MMP14: variants seen among roughly 807,000 people sequenced by gnomAD.
MMP14 encodes the protein matrix metalloproteinase-14.
In MMP14, 13 loss-of-function variants were observed where a neutral mutation model predicts 64.8. That is an observed-to-expected ratio of 0.20 (90% CI 0.13 to 0.32). MMP14 has a LOEUF of 0.32. Ranked by LOEUF, MMP14 falls within the 10% of genes least tolerant of loss-of-function variation. MMP14 has a pLI of 1.00. For synonymous variants in MMP14, 322 were observed against 315.9 expected, an observed-to-expected ratio of 1.02 and a Z score of -0.20; for missense variants, 594 against 783.8, an observed-to-expected ratio of 0.76 and a Z score of 2.89.
intron 1 of MMP14, among the ~76,000 whole-genome samples, chr14:22,841,204 C>A (rs1467593683): frequency 6.6e-6 from 1 of 152,256 alleles, no homozygotes; most frequent in Non-Finnish European, 1.5e-5. Context: ...GAGAAGACAT[C>A]TCAGAACCCC....
chr14:22,837,109 T>C lies in MMP14; in HGVS notation c.108+184T>C, dbSNP rs1595011923. On this transcript the variant is annotated intron_variant, in intron 1 of 9. Coordinates refer to ENST00000311852, the MANE Select transcript of MMP14 (RefSeq NM_004995.4). ...CAAACTTCCAGATCGATCCAACTTTTGCCCGCTTCCAACCAGCTGCCCCCA... is the reference window on the plus strand; with the variant it reads ...CAAACTTCCAGATCGATCCAACTTTCGCCCGCTTCCAACCAGCTGCCCCCA... The C allele has an allele frequency of 1.2e-5, 8 of 683,448 alleles. No individual in the cohort carries two copies. The East Asian group carries it at 2.2e-4, about 19-fold the overall frequency. 42.3% of individuals were successfully genotyped at this position (683,448 alleles called of 1,614,324 possible).
At position 22,844,490 on chromosome 14, in the gene MMP14, C is replaced by A. The variant is rs756102178; in HGVS notation, c.1131C>A (p.Gly377=). The stretch of plus-strand genomic sequence containing the variant: ...ACACTGCCTACGAGAGGAAGGATGG[C>A]AAATTCGTCTTCTTCAAAGGTAACC... ...SINTAYERKD[G]KFVFFKGDKH... Residue 377 remains glycine (G), a synonymous_variant, in exon 7 of 10, where the codon GGC becomes GGA. Transcript: ENST00000311852. 34 of 1,614,158 alleles carry A rather than the reference C, an allele frequency of 2.1e-5. No individual in the cohort carries two copies. The South Asian group carries it at 3.7e-4, about 18-fold the overall frequency.
rs1478920991 is a variant in MMP14 at position 22,842,494 on chromosome 14, A to G, written c.465A>G (p.Thr155=). ...CGTTCCGCGTGTGGGAGAGTGCCACACCACTGCGCTTCCGCGAGGTGCCCT... is the reference window on the plus strand; with the variant it reads ...CGTTCCGCGTGTGGGAGAGTGCCACGCCACTGCGCTTCCGCGAGGTGCCCT... ...RKAFRVWESA[T]PLRFREVPYA... The change falls in exon 4 of 10, where the codon ACA becomes ACG. Residue 155 remains threonine, a synonymous_variant. Coordinates refer to ENST00000311852, the MANE Select transcript of MMP14 (RefSeq NM_004995.4). The surrounding 1 kb of genome is among the most constrained non-coding windows in gnomAD (Gnocchi z 5.3). 3.1e-6 allele frequency: 5 copies of G among 1,613,890 alleles called. No individual in the cohort carries two copies. In the African/African-American group the frequency reaches 6.7e-5, roughly 22 times the overall value.
chr14:22,844,176 A>G (rs1196566154), intron 6 of MMP14, among the ~76,000 whole-genome samples, 195 bp from the exon 7 acceptor site: 4 of 149,832 alleles, frequency 2.7e-5, no homozygotes, highest in Non-Finnish European at 5.9e-5. Flanking sequence ...CAGCCTGGAC[A>G]ACAGTGTGAG....
intron 1 of MMP14, 111 bp downstream of exon 1, chr14:22,837,036 G>A: frequency 1.3e-6 from 1 of 790,196 alleles, no homozygotes; most frequent in Non-Finnish European, 2.1e-6. Flanking sequence ...GATCTCCGCT[G>A]CTCAGGCCTG....
intron 2 of MMP14, 121 bp downstream of exon 2, chr14:22,841,760 G>A: frequency 6.5e-7 from 1 of 1,547,222 alleles, no homozygotes. Flanking sequence ...ATCCCCACGT[G>A]CTGATCCTGA....
chr14:22,845,186 C>T (rs751325071), intron 8 of MMP14, 65 bp from the exon 9 acceptor site: 35 of 1,227,382 alleles, frequency 2.9e-5, no homozygotes, highest in South Asian at 7.5e-5. Context: ...GGATTCGGTC[C>T]GGGTCTTGCG....
chr14:22,836,845 T>C lies in MMP14; in HGVS notation c.28T>C (p.Cys10Arg). The change falls in exon 1 of 10, where the codon TGT becomes CGT. Residue 10 changes from cysteine (C) to arginine (R), a missense_variant. Around this residue, in one of 4 missense-constraint regions of MMP14, gnomAD observed 45 missense variants for 48.8 expected, o/e 0.92. Coordinates refer to ENST00000311852, the MANE Select transcript of MMP14 (RefSeq NM_004995.4). ...GTCTCCCGCCCCAAGACCCCCCCGT[T>C]GTCTCCTGCTCCCCCTGCTCACGCT... MSPAPRPPR[C>R]LLLPLLTLGT... The C allele has an allele frequency of 6.2e-7, 1 of 1,613,202 alleles. No homozygotes were observed. The highest frequency in any genetic ancestry group is 8.5e-7 in the Non-Finnish European group (1 of 1,179,506).
In MMP14 at chr14:22,836,794, C is replaced by T; in HGVS notation, c.-24C>T. On this transcript the variant is annotated 5_prime_UTR_variant, in exon 1 of 10. Transcript: ENST00000311852. ...GCCCGGCCGCGGAGCCCACACTGCC[C>T]GGCTGACCCGGTGGTCTCGGACCAT... The T allele has an allele frequency of 1.3e-6, 2 of 1,525,498 alleles. No individual in the cohort carries two copies. Among genetic ancestry groups the T allele is most frequent in the Admixed American group, 1.8e-5 (1 of 55,756 alleles). The allele number at this position is 1,525,498 out of a possible 1,614,324, so 94.5% of individuals were successfully genotyped here. A position where few individuals can be genotyped will look rare whatever the true frequency, so the allele number is the denominator to read the frequency against.
At position 22,841,888 on chromosome 14, in the gene MMP14, A is replaced by C. The variant is rs767391757; in HGVS notation, c.258-25A>C. On this transcript the variant is annotated intron_variant, in intron 2 of 9. Transcript: ENST00000311852. ...TCTTTCATACACTGCACTGATCCCA[A>C]TCCTCGCACCCAAACCCACTCCAGG... The C allele has an allele frequency of 7.4e-6, 12 of 1,613,932 alleles. No individual in the cohort carries two copies. The East Asian group carries it at 2.0e-4, about 27-fold the overall frequency.
chr14:22,844,918 C>G, intron 8 of MMP14, 138 bp downstream of exon 8: 1 of 1,247,352 alleles, frequency 8.0e-7, no homozygotes, highest in Non-Finnish European at 1.1e-6. Flanking sequence ...CTGCTGTTGC[C>G]TAGAAATGGG....
In MMP14 at chr14:22,845,251, G is replaced by A. The variant is rs779735411; in HGVS notation, c.1302G>A (p.Lys434=). Reference sequence around the variant, plus strand: ...CTGCCCTTCCTTTCCCCTTCCCCAGGTACTACCGTTTCAACGAAGAGCTCA... The same window carrying A: ...CTGCCCTTCCTTTCCCCTTCCCCAGATACTACCGTTTCAACGAAGAGCTCA... ...NGKTYFFRGN[K]YYRFNEELRA... Residue 434 remains lysine (K), a splice_region_variant and synonymous_variant, in exon 9 of 10, where the codon AAG becomes AAA. Transcript: ENST00000311852. 8 of 1,612,148 alleles carry A rather than the reference G, an allele frequency of 5.0e-6. No individual in the cohort carries two copies. The highest frequency in any genetic ancestry group is 2.7e-5 in the African/African-American group (2 of 74,848).
chr14:22,840,254 AC>A (rs1228746341), intron 1 of MMP14, among the ~76,000 whole-genome samples: 1 of 152,194 alleles, frequency 6.6e-6, no homozygotes, highest in East Asian at 1.9e-4. Flanking sequence ...GGCGTCAGCC[AC>A]CACGCCCAGC....
Position 22,843,470 on chromosome 14 carries a change from T to C in MMP14, c.850+52T>C. On this transcript the variant is annotated intron_variant, in intron 5 of 9. Coordinates refer to ENST00000311852, the MANE Select transcript of MMP14 (RefSeq NM_004995.4). This position sits in a 1 kb window ranked among gnomAD's most constrained non-coding sequence, Gnocchi z 4.8. ...CCCTCCTCTGCTGCTTGTTCCCTCC[T>C]GGTCTACGCATTTCCCCTCTTTTAT... 1 of 1,579,200 alleles carries C rather than the reference T, an allele frequency of 6.3e-7. No homozygotes were observed. Among genetic ancestry groups the C allele is most frequent in the South Asian group, 1.1e-5 (1 of 87,036 alleles).
chr14:22,845,355 G>A lies in MMP14; in HGVS notation c.1406G>A (p.Gly469Asp), dbSNP rs781662896. 27 of 1,607,586 alleles carry A rather than the reference G, an allele frequency of 1.7e-5. No homozygotes were observed. Among genetic ancestry groups the A allele is most frequent in the Non-Finnish European group, 2.3e-5 (27 of 1,176,374 alleles). Residue 469 changes from glycine to aspartate, a missense_variant, in exon 9 of 10, where the codon GGC becomes GAC. By Grantham distance (94) the Gly-to-Asp change is moderately conservative. Transcript: ENST00000311852. ...GAGTCTCCCAGAGGGTCATTCATGG[G>A]CAGCGATGAAGGTGAGAGGGGCAAG... The part of the protein sequence containing the change: ...IPESPRGSFM[G>D]SDEVFTYFYK...
At chr14:22,837,040 A>T in intron 1 of MMP14, 115 bp downstream of exon 1, 1 of 772,016 alleles carries the variant, frequency 1.3e-6, no homozygotes, top group Non-Finnish European at 2.2e-6. Context: ...TCCGCTGCTC[A>T]GGCCTGCAGG....
rs983077158 is a variant in MMP14, at chr14:22,842,134, C to A, written c.380+99C>A. ...CAGAGACCCCCTGCCCCACTCCCCT[C>A]AGTTCCTGGGAAGCATCCGTGGGAG... On this transcript the variant is annotated intron_variant, in intron 3 of 9. Coordinates refer to ENST00000311852, the MANE Select transcript of MMP14 (RefSeq NM_004995.4). This position sits in a 1 kb window ranked among gnomAD's most constrained non-coding sequence, Gnocchi z 5.3. 1.1e-5 allele frequency: 16 copies of A among 1,507,278 alleles called. No homozygotes were observed. In the African/African-American group the frequency reaches 2.1e-4, roughly 19 times the overall value. 93.4% of individuals were successfully genotyped at this position (1,507,278 alleles called of 1,614,324 possible). A position where few individuals can be genotyped will look rare whatever the true frequency, so the allele number is the denominator to read the frequency against.
intron 1 of MMP14, among the ~76,000 whole-genome samples, chr14:22,838,857 G>A (rs2039753347): frequency 6.6e-6 from 1 of 152,176 alleles, no homozygotes; most frequent in Non-Finnish European, 1.5e-5. Context: ...TAGGCCTGGG[G>A]GGAGGAGAGG....
chr14:22,845,728 G>A lies in MMP14; in HGVS notation c.1438G>A (p.Gly480Arg), dbSNP rs778451954. The A allele has an allele frequency of 3.1e-6, 5 of 1,613,862 alleles. No individual in the cohort carries two copies. The highest frequency in any genetic ancestry group is 2.5e-6 in the Non-Finnish European group (3 of 1,180,022). The change falls in exon 10 of 10, where the codon GGG (glycine) becomes AGG (arginine). Residue 480 changes from glycine to arginine, a missense_variant. This residue lies in a region of MMP14 where 364 missense variants were observed against 425.2 expected (regional missense o/e 0.86). Transcript: ENST00000311852. ...SDEVFTYFYKGNKYWKFNNQK... is the reference protein window; with the variant it reads ...SDEVFTYFYKRNKYWKFNNQK... Reference sequence around the variant, plus strand: ...TGCAGTCTTCACTTACTTCTACAAGGGGAACAAATACTGGAAATTCAACAA... The same window carrying A: ...TGCAGTCTTCACTTACTTCTACAAGAGGAACAAATACTGGAAATTCAACAA...
Sources: allele counts gnomAD v4.1 joint callset (sites outside exome capture counted in the v4.1 genomes callset), GRCh38; gene constraint gnomAD v4.1.1; regional missense constraint gnomAD v4.1.1; non-coding constraint Gnocchi (gnomAD v3.1); transcripts MANE v1.5; gene names NCBI Gene and HGNC (gene_info 2026-07-23, HGNC 2026-07-21).